The following UACA variants were observed in gnomAD, a reference collection of about 807,000 sequenced individuals.
UACA encodes nuclear membrane binding protein.
UACA carries 112 observed loss-of-function variants against 160.5 expected under a neutral mutation model. The observed-to-expected ratio is 0.70, with a 90% CI of 0.60 to 0.82. UACA has a LOEUF of 0.82. UACA is among the 40% of genes least tolerant of loss of function. UACA has a pLI of 0.00. For synonymous variants in UACA, 557 were observed against 568.4 expected, an observed-to-expected ratio of 0.98 and a Z score of 0.29; for missense variants, 1,574 against 1,614.6, an observed-to-expected ratio of 0.97 and a Z score of 0.43.
intron 1 of UACA, among the ~76,000 whole-genome samples, chr15:70,711,290 C>CA (rs1425511267): frequency 6.6e-6 from 1 of 151,670 alleles, no homozygotes; most frequent in East Asian, 1.9e-4. Flanking sequence ...GGAGAGGCAG[C>CA]AAAAAAATGT....
chr15:70,691,887 CA>C (rs1897952015), intron 3 of UACA, among the ~76,000 whole-genome samples: 1 of 152,128 alleles, frequency 6.6e-6, no homozygotes. Flanking sequence ...CTCTGAAAAT[CA>C]GACAACTCAT....
chr15:70,702,089 C>T (rs1898385886), intron 1 of UACA: 1 of 1,350,782 alleles, frequency 7.4e-7, no homozygotes, highest in African/African-American at 1.5e-5. Flanking sequence ...TCTTCAGGAT[C>T]CTTCTCCGCC....
intron 15 of UACA, 108 bp from the exon 16 acceptor site, chr15:70,669,570 G>GT: frequency 1.2e-6 from 1 of 863,148 alleles, no homozygotes; most frequent in Non-Finnish European, 1.7e-6. Context: ...GAATCAAAGG[G>GT]TTTTCAGATT....
chr15:70,736,105 T>C (rs1334729032), intron 1 of UACA, among the ~76,000 whole-genome samples: 1 of 152,196 alleles, frequency 6.6e-6, no homozygotes, highest in Non-Finnish European at 1.5e-5. Context: ...CTGATAGATG[T>C]CTTTAAGGGA....
chr15:70,670,479 C>T (rs939995618), intron 15 of UACA, among the ~76,000 whole-genome samples: 3 of 152,094 alleles, frequency 2.0e-5, no homozygotes, highest in Admixed American at 6.6e-5. Flanking sequence ...ACTTTGCTTC[C>T]TTTCGTTCCT....
At chr15:70,726,062 T>C (rs1394942048) in intron 1 of UACA, among the ~76,000 whole-genome samples, 1 of 152,156 alleles carries the variant, frequency 6.6e-6, no homozygotes, top group African/African-American at 2.4e-5. Context: ...TCATTCCCAC[T>C]GTTCTGCTTG....
rs192089892 is a variant in UACA at position 70,728,065 on chromosome 15, T to C, written c.79-28405A>G. On this transcript the variant is annotated intron_variant, in intron 1 of 18. Coordinates refer to ENST00000322954, the MANE Select transcript of UACA (RefSeq NM_018003.4). The stretch of plus-strand genomic sequence containing the variant: ...GGGAACAGAAGATAGAACCCAGAAA[T>C]AAAGCCACACTCCTATAAACATCTG... Among the ~76,000 whole-genome samples the C allele has an allele frequency of 4.9e-4, 75 of 152,020 alleles. 1 individual carries two copies. Among genetic ancestry groups the C allele is most frequent in the African/African-American group, 1.7e-3 (71 of 41,450 alleles).
At chr15:70,677,022 C>T in intron 12 of UACA, 86 bp downstream of exon 12, 1 of 994,052 alleles carries the variant, frequency 1.0e-6, no homozygotes, top group Non-Finnish European at 1.5e-6. Flanking sequence ...TGGTCTCTAT[C>T]TCAATTCAGG....
intron 1 of UACA, among the ~76,000 whole-genome samples, chr15:70,743,622 T>C (rs1178262423): frequency 6.6e-6 from 1 of 152,208 alleles, no homozygotes; most frequent in African/African-American, 2.4e-5. Context: ...ATTTCAAAGT[T>C]AGTTAAATCA....
chr15:70,739,379 C>T (rs892437998), intron 1 of UACA, among the ~76,000 whole-genome samples: 3 of 152,088 alleles, frequency 2.0e-5, no homozygotes, highest in African/African-American at 7.2e-5. Flanking sequence ...TCAAGCTTAA[C>T]AACCAAAAAC....
upstream of UACA, among the ~76,000 whole-genome samples, chr15:70,764,289 A>G (rs2030947043): frequency 6.6e-6 from 1 of 152,192 alleles, no homozygotes; most frequent in African/African-American, 2.4e-5. Flanking sequence ...AAAAAAAGTT[A>G]CGCCCTTTTT....
intron 1 of UACA, among the ~76,000 whole-genome samples, chr15:70,736,384 T>C (rs1899366923): frequency 6.6e-6 from 1 of 152,174 alleles, no homozygotes; most frequent in African/African-American, 2.4e-5. Flanking sequence ...TACTACACAA[T>C]TGGGATAAAA....
At chr15:70,744,117 C>T (rs944967447) in intron 1 of UACA, among the ~76,000 whole-genome samples, 2 of 151,436 alleles carry the variant, frequency 1.3e-5, no homozygotes, top group South Asian at 2.1e-4. Flanking sequence ...TAGTGGCGGG[C>T]GCCTGTAGTC....
In UACA at chr15:70,668,628, C is replaced by T; in HGVS notation, c.2056G>A (p.Glu686Lys). ...AKLAQHVKPE[E>K]HEQVKSRLEQ... ...AATCTGCTCTTAACCTGTTCATGTT[C>T]CTCTGGTTTGACGTGCTGAGCAAGC... Residue 686 changes from glutamate (E) to lysine (K), a missense_variant, in exon 16 of 19, where the codon GAA becomes AAA. Glu to Lys is a moderately conservative substitution (Grantham distance 56, BLOSUM62 1). Coordinates refer to ENST00000322954, the MANE Select transcript of UACA (RefSeq NM_018003.4). 1 of 1,613,944 alleles carries T rather than the reference C, an allele frequency of 6.2e-7. No individual in the cohort carries two copies. Among genetic ancestry groups the T allele is most frequent in the Non-Finnish European group, 8.5e-7 (1 of 1,180,002 alleles).
chr15:70,714,317 A>G (rs1595905909), intron 1 of UACA, among the ~76,000 whole-genome samples: 1 of 152,352 alleles, frequency 6.6e-6, no homozygotes. Context: ...ATAGAAAAGG[A>G]AAAGAATGTT....
rs1157224002 is a variant in UACA, at chr15:70,669,357, T to C, written c.1327A>G (p.Lys443Glu). 1.2e-6 allele frequency: 2 copies of C among 1,613,914 alleles called. No homozygotes were observed. Among genetic ancestry groups the C allele is most frequent in the Non-Finnish European group, 1.7e-6 (2 of 1,179,980 alleles). The change falls in exon 16 of 19, where the codon AAG (lysine) becomes GAG (glutamate). Residue 443 changes from lysine to glutamate, a missense_variant. Coordinates refer to ENST00000322954, the MANE Select transcript of UACA (RefSeq NM_018003.4). ...GTTCGCATTGCTTCTAACTCTTTCT[T>C]TAAAATTTCATTTTCAGAGTATGAC... is the stretch of plus-strand genomic sequence containing the variant. ...QTSYSENEIL[K>E]KELEAMRTFC...
At chr15:70,677,000 G>GA in intron 12 of UACA, 108 bp downstream of exon 12, 1 of 834,366 alleles carries the variant, frequency 1.2e-6, no homozygotes. Flanking sequence ...TTAATAACCA[G>GA]AAATAGAATC....
chr15:70,703,726 A>AG (rs768085056), intron 1 of UACA, among the ~76,000 whole-genome samples: 13 of 152,236 alleles, frequency 8.5e-5, no homozygotes, highest in Non-Finnish European at 1.3e-4. Flanking sequence ...TGTGTGTCCT[A>AG]GTATTATGGA....
intron 17 of UACA, among the ~76,000 whole-genome samples, chr15:70,664,225 TA>T (rs1022021854): frequency 6.6e-6 from 1 of 152,144 alleles, no homozygotes; most frequent in Non-Finnish European, 1.5e-5. Context: ...TTCACAAAGA[TA>T]AAAGATTATT....
Sources: allele counts gnomAD v4.1 joint callset (sites outside exome capture counted in the v4.1 genomes callset), GRCh38; gene constraint gnomAD v4.1.1; transcripts MANE v1.5; gene names NCBI Gene and HGNC (gene_info 2026-07-23, HGNC 2026-07-21).